Variants in GGACT observed in about 807,000 individuals in gnomAD.
GGACT encodes gamma-glutamylaminecyclotransferase.
For synonymous variants in GGACT, 118 were observed against 115.3 expected, an observed-to-expected ratio of 1.02 and a Z score of -0.15; for missense variants, 241 against 233.2, an observed-to-expected ratio of 1.03 and a Z score of -0.22.
intron 2 of GGACT, among the ~76,000 whole-genome samples, chr13:100,569,342 A>G (rs1457256147): frequency 6.6e-6 from 1 of 152,246 alleles, no homozygotes; most frequent in Non-Finnish European, 1.5e-5. Flanking sequence ...AGAGGTTCCC[A>G]AACCTCAATT....
rs547961642 is a variant in GGACT at position 100,534,589 on chromosome 13, G to A, written c.-10-1988C>T. ...CGGGCAAGGAGCTATCCCAAAAGACGAGCACCTGGGGGGCGATGATGGTTT... is the reference window on the plus strand; with the variant it reads ...CGGGCAAGGAGCTATCCCAAAAGACAAGCACCTGGGGGGCGATGATGGTTT... On this transcript the variant is annotated intron_variant, in intron 2 of 2. Coordinates refer to ENST00000683975, the MANE Select transcript of GGACT (RefSeq NM_001195087.2). The surrounding 1 kb of genome is among the most constrained non-coding windows in gnomAD (Gnocchi z 4.9). Among the ~76,000 whole-genome samples, 333 of 151,986 alleles carry A rather than the reference G, an allele frequency of 2.2e-3. 1 individual carries two copies. The highest frequency in any genetic ancestry group is 4.2e-3 in the Non-Finnish European group (286 of 67,936).
chr13:100,530,220 C>T lies in GGACT; in HGVS notation c.*1910G>A, dbSNP rs1594175885. On this transcript the variant is annotated 3_prime_UTR_variant, in exon 3 of 3. Transcript: ENST00000683975. ...AATTTAATTAGCCATTTGCATGATG[C>T]TTTCACACACAATTGATTCAAGCAT... 3.8e-6 allele frequency: 5 copies of T among 1,324,898 alleles called. No homozygotes were observed. The South Asian group carries it at 4.7e-5, about 13-fold the overall frequency. 82.1% of individuals were successfully genotyped at this position (1,324,898 alleles called of 1,614,324 possible).
At chr13:100,546,245 C>A (rs1397186224) in intron 2 of GGACT, among the ~76,000 whole-genome samples, 2 of 151,670 alleles carry the variant, frequency 1.3e-5, no homozygotes, top group Non-Finnish European at 2.9e-5. Flanking sequence ...GCCTATAGTC[C>A]CAGCTACTCG....
At chr13:100,537,406 A>G (rs1426661235) in intron 2 of GGACT, 1 of 152,316 alleles carries the variant, frequency 6.6e-6, no homozygotes, top group East Asian at 1.9e-4. Context: ...ATGGCTGGTG[A>G]TAGCTGAAGG....
chr13:100,548,202 T>C (rs1366279839), intron 2 of GGACT, among the ~76,000 whole-genome samples: 3 of 152,284 alleles, frequency 2.0e-5, no homozygotes, highest in East Asian at 1.9e-4. Flanking sequence ...GCCTTTCTGC[T>C]GTTCATTTTT....
chr13:100,586,967 G>T (rs987681374), intron 1 of GGACT: 5 of 152,218 alleles, frequency 3.3e-5, no homozygotes, highest in Non-Finnish European at 7.3e-5. Flanking sequence ...AGGACACTGG[G>T]CAGTCATGTT....
intron 2 of GGACT, among the ~76,000 whole-genome samples, chr13:100,542,256 C>T (rs980962609): frequency 2.8e-4 from 42 of 152,116 alleles, no homozygotes; most frequent in African/African-American, 8.9e-4. Flanking sequence ...GCAGAGCAGC[C>T]GCTGACCCCC....
At chr13:100,535,177 G>C (rs1315045854) in intron 2 of GGACT, among the ~76,000 whole-genome samples, 1 of 152,224 alleles carries the variant, frequency 6.6e-6, no homozygotes, top group East Asian at 1.9e-4. Flanking sequence ...CCAGGTGCCT[G>C]CCTGGCTTTC....
intron 2 of GGACT, among the ~76,000 whole-genome samples, chr13:100,568,290 A>G (rs972353963): frequency 6.6e-6 from 1 of 152,232 alleles, no homozygotes; most frequent in African/African-American, 2.4e-5. Context: ...AGACTGGGTA[A>G]TTTATAAAAG....
intron 2 of GGACT, among the ~76,000 whole-genome samples, chr13:100,581,747 AT>A (rs1254997806): frequency 6.6e-6 from 1 of 152,182 alleles, no homozygotes; most frequent in African/African-American, 2.4e-5. Flanking sequence ...GCCAATCACT[AT>A]TTCAGTCAGG....
chr13:100,550,776 C>T (rs2088655894), intron 2 of GGACT, among the ~76,000 whole-genome samples: 1 of 152,196 alleles, frequency 6.6e-6, no homozygotes, highest in Admixed American at 6.5e-5. Context: ...AATCCACTCG[C>T]TTCAGAAACA....
intron 2 of GGACT, among the ~76,000 whole-genome samples, chr13:100,547,853 C>T (rs1481485069): frequency 6.6e-6 from 1 of 152,270 alleles, no homozygotes; most frequent in Non-Finnish European, 1.5e-5. Flanking sequence ...ACCCAGGCCC[C>T]ATGCACACCA....
At chr13:100,576,491 T>C (rs1875249671) in intron 2 of GGACT, among the ~76,000 whole-genome samples, 1 of 152,196 alleles carries the variant, frequency 6.6e-6, no homozygotes, top group Non-Finnish European at 1.5e-5. Flanking sequence ...AACCTGTATA[T>C]AAGTGCTTAC....
chr13:100,566,864 C>T (rs1874903378), intron 2 of GGACT, among the ~76,000 whole-genome samples: 1 of 152,236 alleles, frequency 6.6e-6, no homozygotes, highest in Non-Finnish European at 1.5e-5. Flanking sequence ...ACGTGCTTTA[C>T]AGCAAAAGGG....
chr13:100,550,335 CACACACACACA>C, intron 2 of GGACT, among the ~76,000 whole-genome samples: 2 of 133,548 alleles, frequency 1.5e-5, no homozygotes, highest in South Asian at 2.6e-4. Context: ...CACACACACA[CACACACACACA>C]CACACACACC....
intron 2 of GGACT, chr13:100,539,833 T>TTTTTTTAAA: frequency 2.8e-6 from 2 of 705,666 alleles, no homozygotes; most frequent in Admixed American, 2.7e-5. Context: ...TTTTTTTTTT[T>TTTTTTTAAA]AAGTACAATT....
intron 2 of GGACT, among the ~76,000 whole-genome samples, chr13:100,549,591 G>A (rs1177744246): frequency 2.0e-5 from 3 of 152,260 alleles, no homozygotes; most frequent in African/African-American, 7.2e-5. Context: ...TCAGGGCCCA[G>A]CCAGACTCCG....
intron 2 of GGACT, among the ~76,000 whole-genome samples, chr13:100,549,098 A>G (rs9585455): frequency 0.53 from 80,122 of 152,028 alleles, 21,420 homozygotes; most frequent in South Asian, 0.73. Context: ...CTGTAATCCT[A>G]GCACTTTGGC....
intron 2 of GGACT, among the ~76,000 whole-genome samples, chr13:100,544,904 A>T (rs973149523): frequency 6.6e-6 from 1 of 152,236 alleles, no homozygotes. Flanking sequence ...AGCTCTATGC[A>T]AACAGGCAGG....
Sources: gnomAD v4.1 joint callset for allele counts (sites outside exome capture counted in the v4.1 genomes callset) on GRCh38, gnomAD v4.1.1 for gene constraint, Gnocchi (gnomAD v3.1) non-coding constraint, MANE v1.5 for transcripts, NCBI Gene and HGNC (gene_info 2026-07-23, HGNC 2026-07-21) for gene names.